The following CACNB4 variants were observed in gnomAD, a reference collection of about 807,000 sequenced individuals.
CACNB4 encodes voltage-dependent L-type calcium channel subunit beta-4.
Under a neutral mutation model 71.2 loss-of-function variants are expected in CACNB4, and 32 were observed. The observed-to-expected ratio is 0.45, with a 90% CI of 0.34 to 0.60. The LOEUF (loss-of-function observed/expected upper bound fraction) is 0.60. CACNB4 is among the 20% of genes least tolerant of loss of function. The pLI is 0.01. For missense variants in CACNB4, 464 were observed against 647.9 expected (o/e 0.72, Z 3.08); for synonymous variants, 231 against 236.9 (o/e 0.97, Z 0.23).
intron 2 of CACNB4, among the ~76,000 whole-genome samples, chr2:151,905,216 A>G (rs2099854477): frequency 6.6e-6 from 1 of 152,196 alleles, no homozygotes; most frequent in Non-Finnish European, 1.5e-5. Context: ...TAGGATGCCT[A>G]TAATAATCAT....
intron 2 of CACNB4, among the ~76,000 whole-genome samples, chr2:152,036,741 A>G (rs1684617492): frequency 6.6e-6 from 1 of 152,048 alleles, no homozygotes; most frequent in Non-Finnish European, 1.5e-5. Flanking sequence ...GGGTTACTTT[A>G]GGCTACTCAG....
intron 2 of CACNB4, among the ~76,000 whole-genome samples, chr2:152,006,919 G>A (rs535012673): frequency 2.0e-5 from 3 of 151,954 alleles, no homozygotes; most frequent in Non-Finnish European, 4.4e-5. Flanking sequence ...TCAATTACAC[G>A]GCTACCTTAG....
intron 2 of CACNB4, among the ~76,000 whole-genome samples, chr2:152,054,092 G>A (rs979800732): frequency 4.6e-5 from 7 of 152,234 alleles, no homozygotes; most frequent in Admixed American, 1.3e-4. Flanking sequence ...TGTTGGCCGG[G>A]CGCGGTGGCT....
chr2:151,944,027 C>CTTTTTTT (rs377579759), intron 2 of CACNB4, among the ~76,000 whole-genome samples: 1 of 134,892 alleles, frequency 7.4e-6, no homozygotes, highest in African/African-American at 2.7e-5. Context: ...TACTTTCTTT[C>CTTTTTTT]TTTTTTTTTT....
At chr2:151,875,278 C>T (rs1334684082) in intron 5 of CACNB4, among the ~76,000 whole-genome samples, 1 of 147,916 alleles carries the variant, frequency 6.8e-6, no homozygotes, top group Admixed American at 6.8e-5. Flanking sequence ...TGAGTGGACA[C>T]AGCACATGTT....
chr2:152,082,659 A>G (rs1687425402), intron 2 of CACNB4, among the ~76,000 whole-genome samples: 1 of 152,220 alleles, frequency 6.6e-6, no homozygotes, highest in Non-Finnish European at 1.5e-5. Context: ...TGCAACAAGG[A>G]AAACAGAGGC....
chr2:152,079,953 A>C (rs1236676957), intron 2 of CACNB4, among the ~76,000 whole-genome samples: 1 of 152,214 alleles, frequency 6.6e-6, no homozygotes, highest in Non-Finnish European at 1.5e-5. Context: ...TCTAATGTAC[A>C]GCCAAGGTTG....
intron 2 of CACNB4, among the ~76,000 whole-genome samples, chr2:151,932,522 T>C (rs969930038): frequency 6.6e-6 from 1 of 152,202 alleles, no homozygotes; most frequent in Admixed American, 6.5e-5. Context: ...TAACCTCCAG[T>C]ATCTCAGATG....
At chr2:152,047,889 A>AT (rs1423871694) in intron 2 of CACNB4, among the ~76,000 whole-genome samples, 2 of 152,180 alleles carry the variant, frequency 1.3e-5, no homozygotes, top group African/African-American at 4.8e-5. Flanking sequence ...ACAAGGCAAG[A>AT]CCCTGTTTCA....
intron 2 of CACNB4, among the ~76,000 whole-genome samples, chr2:151,949,476 G>A (rs537036471): frequency 2.1e-5 from 1 of 48,630 alleles, no homozygotes; most frequent in African/African-American, 7.0e-5. Flanking sequence ...GAAGGAGATG[G>A]AACAGTTAGT....
Position 152,098,975 on chromosome 2 carries a change from C to T in CACNB4, c.37G>A (p.Asp13Asn). Residue 13 changes from aspartate (D) to asparagine (N), a missense_variant, in exon 1 of 14, where the codon GAC becomes AAC. Asp to Asn is a conservative substitution (Grantham distance 23). This residue lies in a region of CACNB4 where 50 missense variants were observed against 47.5 expected (regional missense o/e 1.05). Coordinates refer to ENST00000539935, the MANE Select transcript of CACNB4 (RefSeq NM_000726.5). This position sits in a 1 kb window ranked among gnomAD's most constrained non-coding sequence, Gnocchi z 5.3. Reference sequence around the variant, plus strand: ...TGCGAGGTGGGGGAGTGCGGCCCGTCCGCGGTCCCGTTCTTGGCGTAGGAG... The same window carrying T: ...TGCGAGGTGGGGGAGTGCGGCCCGTTCGCGGTCCCGTTCTTGGCGTAGGAG... ...SSSYAKNGTA[D>N]GPHSPTSQVA... is the part of the protein sequence containing the mutation. 1.3e-6 allele frequency: 2 copies of T among 1,531,016 alleles called. No individual in the cohort carries two copies. The highest frequency in any genetic ancestry group is 2.5e-5 in the East Asian group (1 of 40,186). 94.8% of individuals were successfully genotyped at this position (1,531,016 alleles called of 1,614,324 possible).
intron 2 of CACNB4, among the ~76,000 whole-genome samples, chr2:151,905,120 A>C (rs1424734073): frequency 6.6e-6 from 1 of 152,182 alleles, no homozygotes; most frequent in African/African-American, 2.4e-5. Context: ...CTGTACTCTT[A>C]AATGTAGCCC....
intron 2 of CACNB4, among the ~76,000 whole-genome samples, chr2:151,907,920 T>C (rs779061266): frequency 3.3e-5 from 5 of 152,202 alleles, no homozygotes; most frequent in South Asian, 2.1e-4. Flanking sequence ...GTAGAGATCA[T>C]TGCAAAGATA....
chr2:151,870,514 A>T lies in CACNB4; in HGVS notation c.699+17T>A. 1 of 1,602,482 alleles carries T rather than the reference A, an allele frequency of 6.2e-7. No homozygotes were observed. ...GTGCTCGATCAAGAACTGAAGAGTA[A>T]CAGATGATATTTGTACCTCGTAACC... is the stretch of plus-strand genomic sequence containing the variant. On this transcript the variant is annotated intron_variant, in intron 8 of 13. Coordinates refer to ENST00000539935, the MANE Select transcript of CACNB4 (RefSeq NM_000726.5).
intron 3 of CACNB4, among the ~76,000 whole-genome samples, chr2:151,881,388 G>C (rs1238856834): frequency 2.0e-5 from 3 of 152,182 alleles, no homozygotes; most frequent in Non-Finnish European, 4.4e-5. Context: ...CTATACAACA[G>C]AATATCTGGT....
chr2:152,033,269 C>A (rs1450674823), intron 2 of CACNB4, among the ~76,000 whole-genome samples: 3 of 152,234 alleles, frequency 2.0e-5, no homozygotes, highest in Non-Finnish European at 2.9e-5. Context: ...CTTGCTGAAG[C>A]AAATGAAATG....
At chr2:151,846,410 G>T (rs747278476) in intron 12 of CACNB4, among the ~76,000 whole-genome samples, 2 of 152,036 alleles carry the variant, frequency 1.3e-5, no homozygotes, top group Non-Finnish European at 2.9e-5. Context: ...TAGCATGGAG[G>T]GGAGAATCTC....
At chr2:151,929,203 C>T (rs1362662720) in intron 2 of CACNB4, among the ~76,000 whole-genome samples, 2 of 151,608 alleles carry the variant, frequency 1.3e-5, no homozygotes, top group Non-Finnish European at 2.9e-5. Context: ...CCTCTAACTT[C>T]CAGAAGATGA....
intron 2 of CACNB4, among the ~76,000 whole-genome samples, chr2:152,050,940 A>G (rs1185697487): frequency 1.3e-5 from 2 of 151,772 alleles, no homozygotes; most frequent in Non-Finnish European, 2.9e-5. Context: ...ACATCCAGCT[A>G]ATTTTTTTTA....
Sources: allele counts gnomAD v4.1 joint callset (sites outside exome capture counted in the v4.1 genomes callset), GRCh38; gene constraint gnomAD v4.1.1; regional missense constraint gnomAD v4.1.1; non-coding constraint Gnocchi (gnomAD v3.1); transcripts MANE v1.5; gene names NCBI Gene and HGNC (gene_info 2026-07-23, HGNC 2026-07-21).